Variants in PRRG1 observed in about 807,000 individuals in gnomAD.
PRRG1 encodes the protein proline rich and Gla domain 1.
Under a neutral mutation model 11.8 loss-of-function variants are expected in PRRG1, and 5 were observed. The observed-to-expected ratio is 0.42, with a 90% CI of 0.22 to 0.89. PRRG1 has a LOEUF of 0.89. Among genes scored for constraint, PRRG1 ranks in the 40% least tolerant of loss-of-function variants. The pLI, the probability that PRRG1 is intolerant of heterozygous loss-of-function variation, is 0.28. For missense variants in PRRG1, 155 were observed against 166.1 expected (o/e 0.93, Z 0.37); for synonymous variants, 66 against 60.4 (o/e 1.09, Z -0.43).
intron 1 of PRRG1, among the ~76,000 whole-genome samples, chrX:37,402,427 G>C (rs367903160): frequency 3.6e-5 from 4 of 111,526 alleles, no homozygotes; most frequent in Non-Finnish European, 5.7e-5. Flanking sequence ...ACTGGCTAGC[G>C]ATAAGTAGAA....
At chrX:37,389,539 C>A (rs1556376075) in intron 1 of PRRG1, among the ~76,000 whole-genome samples, 1 of 111,089 alleles carries the variant, frequency 9.0e-6, no homozygotes, top group African/African-American at 3.3e-5. Flanking sequence ...CAGCACTTCA[C>A]ATGGCTGGAA....
intron 1 of PRRG1, among the ~76,000 whole-genome samples, chrX:37,396,505 T>C (rs1338417346): frequency 7.3e-5 from 8 of 110,126 alleles, no homozygotes; most frequent in Non-Finnish European, 1.3e-4. Context: ...TAAGGGGGAG[T>C]TTCCCTGCAC....
In PRRG1 at chrX:37,453,755, A is replaced by T; in HGVS notation, c.*134A>T. On this transcript the variant is annotated 3_prime_UTR_variant, in exon 4 of 4. Coordinates refer to ENST00000378628, the MANE Select transcript of PRRG1 (RefSeq NM_001142395.2). ...CCGCATACCACTTCACACTTGTTTT[A>T]TTTTCTTTAGTTTTGTTTCTTGTTA... 4.4e-6 allele frequency: 3 copies of T among 688,747 alleles called. No homozygotes were observed. Among genetic ancestry groups the T allele is most frequent in the Non-Finnish European group, 4.0e-6 (2 of 504,015 alleles). The allele number at this position is 688,747 out of a possible 1,213,427, so 56.8% of individuals were successfully genotyped here.
intron 1 of PRRG1, among the ~76,000 whole-genome samples, chrX:37,385,522 G>A (rs1299296070): frequency 1.8e-5 from 2 of 110,469 alleles, no homozygotes; most frequent in Non-Finnish European, 3.8e-5. Context: ...TTACAAAAGA[G>A]CAGTACTATA....
chrX:37,359,412 C>A (rs1556367041), intron 1 of PRRG1, among the ~76,000 whole-genome samples: 1 of 109,583 alleles, frequency 9.1e-6, no homozygotes, highest in Non-Finnish European at 1.9e-5. Flanking sequence ...GTAAATTTTC[C>A]CTTTTGGCCT....
chrX:37,405,135 A>G (rs782374595), intron 1 of PRRG1, among the ~76,000 whole-genome samples: 14 of 112,232 alleles, frequency 1.2e-4, no homozygotes, highest in South Asian at 7.5e-4. Flanking sequence ...TCAACTTACT[A>G]TGACCTTCTT....
chrX:37,412,564 T>C (rs5917207), intron 2 of PRRG1, among the ~76,000 whole-genome samples: 21,876 of 110,482 alleles, frequency 0.2, 2,516 homozygotes, highest in African/African-American at 0.43. Flanking sequence ...TGTGACATAT[T>C]CAGGCCTCTT....
chrX:37,387,349 C>G (rs782739804), intron 1 of PRRG1, among the ~76,000 whole-genome samples: 20 of 111,707 alleles, frequency 1.8e-4, no homozygotes, highest in Admixed American at 2.8e-4. Context: ...TTAGTCTGTT[C>G]TCACATTGCT....
At chrX:37,357,025 A>T (rs1556366367) in intron 1 of PRRG1, among the ~76,000 whole-genome samples, 2 of 111,960 alleles carry the variant, frequency 1.8e-5, no homozygotes, top group Non-Finnish European at 3.8e-5. Context: ...ATGATATGAT[A>T]TAGTTTCACT....
chrX:37,406,253 G>C lies in PRRG1; in HGVS notation c.4G>C (p.Gly2Arg), dbSNP rs1932186191. The C allele has an allele frequency of 3.3e-6, 4 of 1,205,390 alleles. No individual in the cohort carries two copies. The highest frequency in any genetic ancestry group is 3.4e-6 in the Non-Finnish European group (3 of 891,663). ...GTGCCAGAAACCACAAGAAAACATG[G>C]GGAGGGGTAAGTTTCTCTTCCTTTT... M[G>R]RVFLTGEKAN... Residue 2 changes from glycine to arginine, a missense_variant, in exon 2 of 4, where the codon GGG (glycine) becomes CGG (arginine). Coordinates refer to ENST00000378628, the MANE Select transcript of PRRG1 (RefSeq NM_001142395.2).
In PRRG1 at chrX:37,448,999, A is replaced by G. The variant is rs782723858; in HGVS notation, c.172-4137A>G. ...GCTTAGATATACATGTTACTACCTT[A>G]GAGACAAAGAAATTGACCCAAAGAT... On this transcript the variant is annotated intron_variant, in intron 3 of 3. Transcript: ENST00000378628. Among the ~76,000 whole-genome samples the G allele has an allele frequency of 1.2e-4, 13 of 111,502 alleles. 1 individual carries two copies. In the Admixed American group the frequency reaches 1.2e-3, roughly 11 times the overall value.
intron 1 of PRRG1, among the ~76,000 whole-genome samples, chrX:37,400,501 A>C (rs1166482504): frequency 6.3e-5 from 7 of 111,336 alleles, no homozygotes; most frequent in East Asian, 2.8e-4. Context: ...AGGGAAATTT[A>C]TAGCACTAAA....
At chrX:37,364,228 T>C (rs1930499811) in intron 1 of PRRG1, among the ~76,000 whole-genome samples, 1 of 111,159 alleles carries the variant, frequency 9.0e-6, no homozygotes, top group African/African-American at 3.3e-5. Context: ...TTTTTGCTTT[T>C]CTGTTAACCA....
chrX:37,387,277 T>C (rs1288473908), intron 1 of PRRG1, among the ~76,000 whole-genome samples: 1 of 112,435 alleles, frequency 8.9e-6, no homozygotes, highest in African/African-American at 3.2e-5. Flanking sequence ...ACATACTAAG[T>C]GTATATTCTA....
chrX:37,418,965 T>C (rs949527141), intron 2 of PRRG1, among the ~76,000 whole-genome samples: 11 of 111,863 alleles, frequency 9.8e-5, no homozygotes, highest in Non-Finnish European at 1.9e-4. Context: ...GAAGTTGAGG[T>C]TCCCCTGTAG....
chrX:37,363,318 G>A (rs1012420035), intron 1 of PRRG1, among the ~76,000 whole-genome samples: 10 of 111,799 alleles, frequency 8.9e-5, no homozygotes, highest in Non-Finnish European at 1.9e-4. Context: ...GTTTCATACA[G>A]TAAGACTTTG....
At chrX:37,435,268 T>C (rs1203552637) in intron 3 of PRRG1, among the ~76,000 whole-genome samples, 9 of 111,528 alleles carry the variant, frequency 8.1e-5, no homozygotes, top group African/African-American at 2.3e-4. Context: ...AAATAAATGA[T>C]GTAGTATTGG....
intron 1 of PRRG1, among the ~76,000 whole-genome samples, chrX:37,397,933 A>G (rs1339838439): frequency 1.8e-5 from 2 of 109,073 alleles, no homozygotes; most frequent in African/African-American, 6.7e-5. Context: ...CCTGACTGAG[A>G]ATCAAGATAA....
At chrX:37,380,128 T>A (rs782254166) in intron 1 of PRRG1, among the ~76,000 whole-genome samples, 1 of 111,394 alleles carries the variant, frequency 9.0e-6, no homozygotes, top group East Asian at 2.8e-4. Flanking sequence ...GAGAATGGTG[T>A]GAACAAAGGC....
Sources: allele counts gnomAD v4.1 joint callset (sites outside exome capture counted in the v4.1 genomes callset), GRCh38; gene constraint gnomAD v4.1.1; transcripts MANE v1.5; gene names NCBI Gene and HGNC (gene_info 2026-07-23, HGNC 2026-07-21).